CCDC146: variants seen among roughly 807,000 people sequenced by gnomAD.
The protein encoded by CCDC146 is coiled-coil domain containing 146.
CCDC146 carries 92 observed loss-of-function variants against 119.3 expected under a neutral mutation model. The observed-to-expected ratio is 0.77, with a 90% CI of 0.65 to 0.92. CCDC146 has a LOEUF of 0.92. CCDC146 is among the 40% of genes least tolerant of loss of function. The pLI is 0.00. For missense variants in CCDC146, 1,000 were observed against 1,103.0 expected, an observed-to-expected ratio of 0.91 and a Z score of 1.32; for synonymous variants, 372 against 371.8, an observed-to-expected ratio of 1.00 and a Z score of -0.01.
chr7:77,283,130 A>G (rs1041680945), intron 15 of CCDC146, among the ~76,000 whole-genome samples: 7 of 152,042 alleles, frequency 4.6e-5, no homozygotes, highest in Non-Finnish European at 7.4e-5. Context: ...TGCTTGCTGG[A>G]CAGATCTTGA....
intron 3 of CCDC146, among the ~76,000 whole-genome samples, chr7:77,238,697 G>A (rs559385691): frequency 7.4e-4 from 112 of 152,262 alleles, no homozygotes; most frequent in African/African-American, 2.5e-3. Flanking sequence ...GATTACAGGC[G>A]TGAGCCACCG....
At chr7:77,125,859 G>A (rs1025622304) in intron 1 of CCDC146, among the ~76,000 whole-genome samples, 1 of 152,012 alleles carries the variant, frequency 6.6e-6, no homozygotes, top group African/African-American at 2.4e-5. Context: ...TATCAACATT[G>A]AGAAGTATTT....
chr7:77,250,623 A>G lies in CCDC146; in HGVS notation c.450-3883A>G, dbSNP rs549902061. 7.9e-5 allele frequency among the ~76,000 whole-genome samples: 12 copies of G among 152,178 alleles called. No individual in the cohort carries two copies. In the South Asian group the frequency reaches 1.2e-3, roughly 16 times the overall value. ...TTTTCATTATCTTTGACTTTCTGTA[A>G]TTTACATATGATATGTCTAAGTGTT... On this transcript the variant is annotated intron_variant, in intron 4 of 18. Transcript: ENST00000285871.
chr7:77,134,500 G>A (rs928768134), intron 1 of CCDC146, among the ~76,000 whole-genome samples: 4 of 151,574 alleles, frequency 2.6e-5, no homozygotes, highest in African/African-American at 9.7e-5. Flanking sequence ...TTGTTTTATA[G>A]TAATATTGAT....
At chr7:77,251,018 T>TGA (rs940170513) in intron 4 of CCDC146, among the ~76,000 whole-genome samples, 9 of 148,240 alleles carry the variant, frequency 6.1e-5, no homozygotes, top group African/African-American at 2.3e-4. Context: ...TGTGTGTGTG[T>TGA]GTGTGTGTTT....
chr7:77,227,058 T>A (rs111392256), intron 2 of CCDC146, among the ~76,000 whole-genome samples: 53 of 152,352 alleles, frequency 3.5e-4, no homozygotes, highest in African/African-American at 1.2e-3. Flanking sequence ...ATAACAAAGT[T>A]TATCAACTAA....
At chr7:77,149,890 A>G (rs1791085150) in intron 1 of CCDC146, among the ~76,000 whole-genome samples, 2 of 152,290 alleles carry the variant, frequency 1.3e-5, no homozygotes, top group African/African-American at 4.8e-5. Flanking sequence ...TAGAGTACCA[A>G]AATAGACCTA....
At chr7:77,177,182 C>T (rs1419025502) in intron 2 of CCDC146, among the ~76,000 whole-genome samples, 1 of 152,090 alleles carries the variant, frequency 6.6e-6, no homozygotes, top group Non-Finnish European at 1.5e-5. Flanking sequence ...TTTGCTGACG[C>T]TACTAAAGCT....
chr7:77,251,171 G>A (rs78560119), intron 4 of CCDC146, among the ~76,000 whole-genome samples: 14,188 of 151,812 alleles, frequency 0.093, 1,889 homozygotes, highest in African/African-American at 0.29. Flanking sequence ...ACAAGTGGCC[G>A]CCAATACGCC....
intron 1 of CCDC146, among the ~76,000 whole-genome samples, chr7:77,145,658 C>T (rs1791006131): frequency 6.6e-6 from 1 of 152,148 alleles, no homozygotes; most frequent in South Asian, 2.1e-4. Context: ...TTTATTTCTG[C>T]CTTCACTTCG....
intron 11 of CCDC146, among the ~76,000 whole-genome samples, chr7:77,275,508 A>G (rs971532727): frequency 6.6e-6 from 1 of 152,214 alleles, no homozygotes; most frequent in Non-Finnish European, 1.5e-5. Flanking sequence ...CAGTAAGAAT[A>G]AAGTGGGTGC....
chr7:77,269,037 A>T (rs1387777693), intron 9 of CCDC146, among the ~76,000 whole-genome samples: 2 of 152,116 alleles, frequency 1.3e-5, no homozygotes, highest in Admixed American at 1.3e-4. Flanking sequence ...CAAAGTTCTG[A>T]TACTTTGTCT....
chr7:77,131,438 C>T (rs568271880), intron 1 of CCDC146, among the ~76,000 whole-genome samples: 1 of 152,132 alleles, frequency 6.6e-6, no homozygotes, highest in Non-Finnish European at 1.5e-5. Context: ...CAAGAACAGG[C>T]CGGGTGCAGT....
intron 2 of CCDC146, among the ~76,000 whole-genome samples, chr7:77,234,161 C>G (rs1367488608): frequency 6.6e-6 from 1 of 152,022 alleles, no homozygotes; most frequent in Non-Finnish European, 1.5e-5. Context: ...TTCATTGTAC[C>G]CATATACATA....
chr7:77,173,562 G>A (rs1327985930), intron 2 of CCDC146, among the ~76,000 whole-genome samples: 1 of 152,206 alleles, frequency 6.6e-6, no homozygotes, highest in African/African-American at 2.4e-5. Context: ...CTGGGAGGCA[G>A]AGGTTGCAGT....
intron 1 of CCDC146, among the ~76,000 whole-genome samples, chr7:77,142,450 A>T (rs192687199): frequency 9.9e-5 from 15 of 151,860 alleles, no homozygotes; most frequent in Admixed American, 9.8e-4. Flanking sequence ...ACATGTATAC[A>T]TGTGTACAAT....
chr7:77,180,747 A>T (rs1038902943), intron 2 of CCDC146, among the ~76,000 whole-genome samples: 2 of 152,156 alleles, frequency 1.3e-5, no homozygotes, highest in African/African-American at 4.8e-5. Flanking sequence ...CGGAAGTGGA[A>T]TGGCTGAATG....
rs1015333258 is a variant in CCDC146 at position 77,294,785 on chromosome 7, T to A, written c.2787T>A (p.Ala929=). The A allele has an allele frequency of 6.2e-7, 1 of 1,614,044 alleles. No individual in the cohort carries two copies. Among genetic ancestry groups the A allele is most frequent in the Non-Finnish European group, 8.5e-7 (1 of 1,180,038 alleles). Residue 929 remains alanine (A), a synonymous_variant, in exon 19 of 19, where the codon GCT becomes GCA. Transcript: ENST00000285871. The part of the protein sequence containing the change: ...ATLPLPKPYG[A]LAPFKPSEPG... ...TTCCTTTGCCAAAACCTTATGGTGC[T>A]TTGGCTCCTTTTAAACCCAGTGAAC...
chr7:77,191,601 T>G (rs936204121), intron 2 of CCDC146, among the ~76,000 whole-genome samples: 8 of 152,200 alleles, frequency 5.3e-5, no homozygotes, highest in Admixed American at 5.2e-4. Flanking sequence ...ATCAGAGAAC[T>G]CTGCCTATAA....
Sources: allele counts gnomAD v4.1 joint callset (sites outside exome capture counted in the v4.1 genomes callset), GRCh38; gene constraint gnomAD v4.1.1; transcripts MANE v1.5; gene names NCBI Gene and HGNC (gene_info 2026-07-23, HGNC 2026-07-21).